The following KCNH5 variants were observed in gnomAD, a reference collection of about 807,000 sequenced individuals.
KCNH5 encodes the protein voltage-gated delayed rectifier potassium channel KCNH5.
Under a neutral mutation model 96.1 loss-of-function variants are expected in KCNH5, and 46 were observed. The observed-to-expected ratio is 0.48, with a 90% CI of 0.38 to 0.61. KCNH5 has a LOEUF of 0.61. KCNH5 is among the 20% of genes least tolerant of loss of function. The pLI is 0.00. For synonymous variants in KCNH5, 439 were observed against 449.8 expected (o/e 0.98, Z 0.30); for missense variants, 907 against 1,225.8 (o/e 0.74, Z 3.88).
chr14:62,840,833 T>C (rs899932823), intron 8 of KCNH5, among the ~76,000 whole-genome samples: 3 of 152,108 alleles, frequency 2.0e-5, no homozygotes, highest in African/African-American at 7.2e-5. Flanking sequence ...CCCCAGGTGC[T>C]AGGATTACAG....
intron 4 of KCNH5, among the ~76,000 whole-genome samples, chr14:62,998,745 C>T (rs185863012): frequency 5.5e-4 from 84 of 152,210 alleles, no homozygotes; most frequent in African/African-American, 1.8e-3. Flanking sequence ...CCAAATATTT[C>T]AGGATCTTCC....
At chr14:62,830,186 T>C (rs1887313015) in intron 8 of KCNH5, among the ~76,000 whole-genome samples, 1 of 152,232 alleles carries the variant, frequency 6.6e-6, no homozygotes, top group Admixed American at 6.5e-5. Context: ...TCGATATCAC[T>C]GTTAGCATTT....
chr14:63,044,456 G>A (rs918534087), intron 1 of KCNH5, among the ~76,000 whole-genome samples: 1 of 152,100 alleles, frequency 6.6e-6, no homozygotes, highest in Admixed American at 6.5e-5. Flanking sequence ...TCACTTCTAC[G>A]TTTCTCATGT....
chr14:62,918,773 T>C (rs1889324422), intron 7 of KCNH5, among the ~76,000 whole-genome samples: 1 of 152,124 alleles, frequency 6.6e-6, no homozygotes, highest in South Asian at 2.1e-4. Context: ...CAGTAGACTG[T>C]TAAGTCATTA....
At chr14:62,760,516 T>C (rs1355344929) in intron 10 of KCNH5, among the ~76,000 whole-genome samples, 1 of 152,196 alleles carries the variant, frequency 6.6e-6, no homozygotes, top group African/African-American at 2.4e-5. Flanking sequence ...GCGAGTTTCC[T>C]AAAGGACTGT....
intron 10 of KCNH5, among the ~76,000 whole-genome samples, chr14:62,737,539 C>T (rs1297447085): frequency 6.6e-6 from 1 of 152,124 alleles, no homozygotes; most frequent in Non-Finnish European, 1.5e-5. Context: ...TCCTGAGGAT[C>T]ACCTTGGATG....
At chr14:62,810,935 G>A (rs1001647444) in intron 8 of KCNH5, among the ~76,000 whole-genome samples, 2 of 152,016 alleles carry the variant, frequency 1.3e-5, no homozygotes, top group African/African-American at 2.4e-5. Flanking sequence ...CCGCTTTCCT[G>A]TAACATATTT....
Position 62,700,168 on chromosome 14 carries a change from G to C in KCNH5, c.*7340C>G, listed in dbSNP as rs975449151. On this transcript the variant is annotated 3_prime_UTR_variant, in exon 11 of 11. Coordinates refer to ENST00000322893, the MANE Select transcript of KCNH5 (RefSeq NM_139318.5). ...AAGTCACTAGAACATAGACTAAAAAGAACTCTATAATTTTCAATATATCGT... is the reference window on the plus strand; with the variant it reads ...AAGTCACTAGAACATAGACTAAAAACAACTCTATAATTTTCAATATATCGT... 6.6e-6 allele frequency: 1 copy of C among 152,146 alleles called. No individual in the cohort carries two copies. The highest frequency in any genetic ancestry group is 1.5e-5 in the Non-Finnish European group (1 of 68,008). 9.4% of individuals were successfully genotyped at this position (152,146 alleles called of 1,614,324 possible). A position where few individuals can be genotyped will look rare whatever the true frequency, so the allele number is the denominator to read the frequency against.
At chr14:62,740,956 T>C (rs1885259555) in intron 10 of KCNH5, among the ~76,000 whole-genome samples, 1 of 152,176 alleles carries the variant, frequency 6.6e-6, no homozygotes, top group Admixed American at 6.5e-5. Flanking sequence ...ACTTTGCTAA[T>C]TTTCAGAAAT....
At chr14:62,897,971 C>A (rs949877753) in intron 7 of KCNH5, among the ~76,000 whole-genome samples, 1 of 152,114 alleles carries the variant, frequency 6.6e-6, no homozygotes, top group Non-Finnish European at 1.5e-5. Context: ...GTGAAAATTT[C>A]TCATTTAATG....
At chr14:62,774,537 TAAG>T (rs745447196) in intron 10 of KCNH5, among the ~76,000 whole-genome samples, 9 of 152,220 alleles carry the variant, frequency 5.9e-5, no homozygotes, top group Admixed American at 2.0e-4. Flanking sequence ...AAAAGTCTAA[TAAG>T]AAGTTTTTAA....
intron 7 of KCNH5, among the ~76,000 whole-genome samples, chr14:62,856,818 G>C (rs1887939352): frequency 6.6e-6 from 1 of 151,712 alleles, no homozygotes; most frequent in South Asian, 2.1e-4. Flanking sequence ...ATTCCATCTA[G>C]TATCTGGGCT....
intron 6 of KCNH5, among the ~76,000 whole-genome samples, chr14:62,959,581 T>TA (rs1181703929): frequency 1.3e-5 from 2 of 152,158 alleles, no homozygotes; most frequent in East Asian, 1.9e-4. Context: ...TTTATTTATA[T>TA]AAAAAAACAG....
In KCNH5 at chr14:62,754,014, C is replaced by T. The variant is rs1385174712; in HGVS notation, c.2019+25714G>A. On this transcript the variant is annotated intron_variant, in intron 10 of 10. Transcript: ENST00000322893. The stretch of plus-strand genomic sequence containing the variant: ...TAAATAGAAAGATGAAAGCATGAAA[C>T]ATTCTAAAAAGCTACAACAACTTTT... 2.0e-5 allele frequency among the ~76,000 whole-genome samples: 3 copies of T among 151,944 alleles called. 1 individual carries two copies. The highest frequency in any genetic ancestry group is 4.1e-4 in the South Asian group (2 of 4,820).
chr14:62,836,743 G>C (rs918975454), intron 8 of KCNH5, among the ~76,000 whole-genome samples: 1 of 151,996 alleles, frequency 6.6e-6, no homozygotes, highest in African/African-American at 2.4e-5. Flanking sequence ...AATTATTTAT[G>C]CAATTATTTT....
chr14:62,816,462 G>A (rs1434003085), intron 8 of KCNH5, among the ~76,000 whole-genome samples: 1 of 151,368 alleles, frequency 6.6e-6, no homozygotes. Context: ...GACCCTGATC[G>A]ATATGTTTTC....
intron 7 of KCNH5, among the ~76,000 whole-genome samples, chr14:62,935,833 T>C (rs982306539): frequency 2.2e-4 from 34 of 152,192 alleles, no homozygotes; most frequent in African/African-American, 7.0e-4. Context: ...GGATTTCTAA[T>C]GGTGGACCAT....
chr14:62,731,330 T>A (rs1382766912), intron 10 of KCNH5, among the ~76,000 whole-genome samples: 2 of 151,286 alleles, frequency 1.3e-5, no homozygotes, highest in African/African-American at 2.4e-5. Flanking sequence ...AATTAAAAAA[T>A]AAATAAATAA....
chr14:62,908,345 G>A (rs1038120040), intron 7 of KCNH5, among the ~76,000 whole-genome samples: 2 of 152,114 alleles, frequency 1.3e-5, no homozygotes, highest in African/African-American at 4.8e-5. Context: ...AGACGGATAC[G>A]TCTGACTTTC....
Sources: allele counts gnomAD v4.1 joint callset (sites outside exome capture counted in the v4.1 genomes callset), GRCh38; gene constraint gnomAD v4.1.1; transcripts MANE v1.5; gene names NCBI Gene and HGNC (gene_info 2026-07-23, HGNC 2026-07-21).